The following MYADM variants were observed in gnomAD, a reference collection of about 807,000 sequenced individuals.
MYADM encodes the protein myeloid associated differentiation marker, also known as myeloid-associated differentiation marker.
For synonymous variants in MYADM, 224 were observed against 210.2 expected (o/e 1.07, Z -0.57); for missense variants, 416 against 443.4 (o/e 0.94, Z 0.56).
In MYADM at chr19:53,871,557, G is replaced by T. The variant is rs1032252074; in HGVS notation, c.-3+1719G>T. On this transcript the variant is annotated intron_variant, in intron 2 of 2. Transcript: ENST00000391770. ...CGCTAAGAGTTTAGGCTCCTTGTCA[G>T]AAGGGAGGGGAGATCTCTTGGTTTT... 3.9e-5 allele frequency among the ~76,000 whole-genome samples: 6 copies of T among 152,302 alleles called. No homozygotes were observed. In the South Asian group the frequency reaches 8.3e-4, roughly 21 times the overall value.
chr19:53,869,018 C>T (rs1022851249), intron 1 of MYADM: 2 of 152,290 alleles, frequency 1.3e-5, no homozygotes, highest in Non-Finnish European at 2.9e-5. Flanking sequence ...GTCCCGATTT[C>T]CTTCTCCTTC....
chr19:53,871,627 C>G (rs1230316035), intron 2 of MYADM, among the ~76,000 whole-genome samples: 2 of 151,898 alleles, frequency 1.3e-5, no homozygotes, highest in East Asian at 1.9e-4. Flanking sequence ...ATCGGGAGGT[C>G]GGAGCTCTTA....
intron 2 of MYADM, among the ~76,000 whole-genome samples, chr19:53,871,301 T>G (rs2068381745): frequency 6.6e-6 from 1 of 152,098 alleles, no homozygotes; most frequent in South Asian, 2.1e-4. Context: ...GGGTTCCTAC[T>G]GGACAGTTGG....
upstream of MYADM, among the ~76,000 whole-genome samples, chr19:53,866,853 AG>A (rs2068253132): frequency 6.6e-6 from 1 of 152,204 alleles, no homozygotes; most frequent in African/African-American, 2.4e-5. The surrounding 1 kb of genome is among the most constrained non-coding windows in gnomAD (Gnocchi z 4.3). Context: ...TTAATAGAGC[AG>A]AGTCTCCTTA....
At chr19:53,871,704 G>A (rs373020941) in intron 2 of MYADM, among the ~76,000 whole-genome samples, 22 of 152,014 alleles carry the variant, frequency 1.4e-4, no homozygotes, top group African/African-American at 5.3e-4. Context: ...CAAATGTCTA[G>A]GTCACTGTTC....
At chr19:53,866,497 A>G (rs1326337325), upstream of MYADM, 1 of 152,130 alleles carries the variant, frequency 6.6e-6, no homozygotes, top group East Asian at 1.9e-4. The surrounding 1 kb of genome is among the most constrained non-coding windows in gnomAD (Gnocchi z 4.3). Context: ...CGACATCCCG[A>G]CCCTCAGCTC....
chr19:53,874,017 GC>G lies in MYADM; in HGVS notation c.489del (p.Glu164ArgfsTer13). The part of the protein sequence containing the change: ...TEVAWTRARP[G>X]EITGYMATVP... ...GTGGCCTGGACCCGGGCCCGGCCCGGCGAGATCACTGGCTATATGGCCACCG... is the reference window on the plus strand; with the variant it reads ...GTGGCCTGGACCCGGGCCCGGCCCGGGAGATCACTGGCTATATGGCCACCG... On this transcript the variant is annotated frameshift_variant, in exon 3 of 3. Transcript: ENST00000391770. LOFTEE classifies it low-confidence loss of function (END_TRUNC). 6.2e-7 allele frequency: 1 copy of G among 1,608,562 alleles called. No homozygotes were observed. The highest frequency in any genetic ancestry group is 8.5e-7 in the Non-Finnish European group (1 of 1,180,004).
rs2068292207 is a variant in MYADM at position 53,868,739 on chromosome 19, T to C, written c.-88+796T>C. ...GTGTGGCCCGGAGAGTCGGGTGCGCTGCGAGGAATCCCGGAGGGGTGTTTC... is the reference window on the plus strand; with the variant it reads ...GTGTGGCCCGGAGAGTCGGGTGCGCCGCGAGGAATCCCGGAGGGGTGTTTC... On this transcript the variant is annotated intron_variant, in intron 1 of 2. Transcript: ENST00000391770. This position sits in a 1 kb window ranked among gnomAD's most constrained non-coding sequence, Gnocchi z 6.3. 6.6e-6 allele frequency among the ~76,000 whole-genome samples: 1 copy of C among 152,044 alleles called. No individual in the cohort carries two copies. Among genetic ancestry groups the C allele is most frequent in the Non-Finnish European group, 1.5e-5 (1 of 67,986 alleles).
At position 53,873,781 on chromosome 19, in the gene MYADM, CG is replaced by C; in HGVS notation, c.253del (p.Val85TrpfsTer92). 6.2e-7 allele frequency: 1 copy of C among 1,613,960 alleles called. No individual in the cohort carries two copies. The highest frequency in any genetic ancestry group is 8.5e-7 in the Non-Finnish European group (1 of 1,180,044). On this transcript the variant is annotated frameshift_variant, in exon 3 of 3. Transcript: ENST00000391770. LOFTEE classifies it low-confidence loss of function (END_TRUNC). This position sits in a 1 kb window ranked among gnomAD's most constrained non-coding sequence, Gnocchi z 4.3. ...TCTCCGTGACCCTGATCATCCTCAT[CG>C]TGGAGCTGTGCGGGCTCCAGGCCCG... ...CFSVTLIILIVELCGLQARFP... is the reference protein window; with the variant it reads ...CFSVTLIILIXELCGLQARFP...
At chr19:53,872,841 G>C (rs944514907) in intron 2 of MYADM, 1 of 152,520 alleles carries the variant, frequency 6.6e-6, no homozygotes, top group East Asian at 1.9e-4. Context: ...AGTACAGAGT[G>C]CTAAATGGCT....
At position 53,874,569 on chromosome 19, in the gene MYADM, T is replaced by A. The variant is rs2068483428; in HGVS notation, c.*71T>A. On this transcript the variant is annotated 3_prime_UTR_variant, in exon 3 of 3. Coordinates refer to ENST00000391770, the MANE Select transcript of MYADM (RefSeq NM_138373.5). ...TCTTGCCCGAGTTTTCTTTATGGAG[T>A]ACTTCTTTCCTCCGCCTTTCCTCTG... 1 of 1,484,374 alleles carries A rather than the reference T, an allele frequency of 6.7e-7. No individual in the cohort carries two copies. Among genetic ancestry groups the A allele is most frequent in the Admixed American group, 2.4e-5 (1 of 41,890 alleles). The allele number at this position is 1,484,374 out of a possible 1,614,324, so 92.0% of individuals were successfully genotyped here.
chr19:53,867,563 G>A (rs2068263643), upstream of MYADM, among the ~76,000 whole-genome samples: 1 of 152,102 alleles, frequency 6.6e-6, no homozygotes, highest in Non-Finnish European at 1.5e-5. Flanking sequence ...GGCCTACCCG[G>A]GAGACTCCTC....
At chr19:53,871,844 G>A (rs1002029964) in intron 2 of MYADM, among the ~76,000 whole-genome samples, 3 of 152,016 alleles carry the variant, frequency 2.0e-5, no homozygotes, top group Non-Finnish European at 4.4e-5. Context: ...CTTGGGTTGT[G>A]GCAGGAGGCA....
chr19:53,867,336 TTGAAC>T (rs2122885775), upstream of MYADM, among the ~76,000 whole-genome samples: 1 of 151,974 alleles, frequency 6.6e-6, no homozygotes, highest in East Asian at 1.9e-4. Flanking sequence ...AGCCCCCCCA[TTGAAC>T]TGAGGGGCCT....
chr19:53,873,920 G>T lies in MYADM; in HGVS notation c.391G>T (p.Gly131Cys). The change falls in exon 3 of 3, where the codon GGC becomes TGC. Residue 131 changes from glycine (G) to cysteine (C), a missense_variant. Physicochemically the swap from Gly to Cys is radical, Grantham distance 159. Transcript: ENST00000391770. This position sits in a 1 kb window ranked among gnomAD's most constrained non-coding sequence, Gnocchi z 4.3. ...PTTYVQFLSH[G>C]RSRDHAIAAT... ...CACCTATGTCCAGTTCCTGTCCCAC[G>T]GCCGTTCGCGGGACCACGCCATCGC... is the stretch of plus-strand genomic sequence containing the variant. 2 of 1,612,086 alleles carry T rather than the reference G, an allele frequency of 1.2e-6. No homozygotes were observed. Among genetic ancestry groups the T allele is most frequent in the South Asian group, 1.1e-5 (1 of 91,084 alleles).
chr19:53,869,031 G>C (rs975071331), intron 1 of MYADM: 6 of 152,438 alleles, frequency 3.9e-5, no homozygotes, highest in African/African-American at 1.2e-4. Flanking sequence ...TCTCCTTCGA[G>C]GGTCCTGGAG....
rs573216996 is a variant in MYADM, at chr19:53,876,008, G to A, written c.*1510G>A. 2 of 166,842 alleles carry A rather than the reference G, an allele frequency of 1.2e-5. No individual in the cohort carries two copies. The highest frequency in any genetic ancestry group is 6.5e-5 in the Admixed American group (1 of 15,284). The allele number at this position is 166,842 out of a possible 1,614,324, so 10.3% of individuals were successfully genotyped here. A position where few individuals can be genotyped will look rare whatever the true frequency, so the allele number is the denominator to read the frequency against. On this transcript the variant is annotated 3_prime_UTR_variant, in exon 3 of 3. Coordinates refer to ENST00000391770, the MANE Select transcript of MYADM (RefSeq NM_138373.5). ...CACTGCCCGCTTTCAAGGCAAGATC[G>A]ACCTTTTCTGTTTTGTTTTGTTTTT...
At position 53,876,116 on chromosome 19, in the gene MYADM, C is replaced by T. The variant is rs1167379285; in HGVS notation, c.*1618C>T. On this transcript the variant is annotated 3_prime_UTR_variant, in exon 3 of 3. Coordinates refer to ENST00000391770, the MANE Select transcript of MYADM (RefSeq NM_138373.5). The stretch of plus-strand genomic sequence containing the variant: ...TTTGTTTTCAGCTGTTCTCTTTTGC[C>T]CGTAGGTGGGAGGGTGGGGATTGCT... 1.2e-5 allele frequency: 2 copies of T among 166,784 alleles called. No homozygotes were observed. Among genetic ancestry groups the T allele is most frequent in the Non-Finnish European group, 2.9e-5 (2 of 68,056 alleles). 10.3% of individuals were successfully genotyped at this position (166,784 alleles called of 1,614,324 possible).
chr19:53,869,221 C>A (rs1419903137), intron 1 of MYADM: 1 of 152,390 alleles, frequency 6.6e-6, no homozygotes. Flanking sequence ...CCTGCCCACT[C>A]CGGTCTTAGA....
Sources: gnomAD v4.1 joint callset for allele counts (sites outside exome capture counted in the v4.1 genomes callset) on GRCh38, gnomAD v4.1.1 for gene constraint, Gnocchi (gnomAD v3.1) non-coding constraint, MANE v1.5 for transcripts, NCBI Gene and HGNC (gene_info 2026-07-23, HGNC 2026-07-21) for gene names.